Variants in CLMN observed in about 807,000 individuals in gnomAD.
The protein encoded by CLMN is calmin (calponin-like, transmembrane).
In CLMN, 57 loss-of-function variants were observed where a neutral mutation model predicts 92.7. The observed-to-expected ratio is 0.61, with a 90% CI of 0.50 to 0.77. The LOEUF (loss-of-function observed/expected upper bound fraction) is 0.77. Among genes scored for constraint, CLMN ranks in the 30% least tolerant of loss-of-function variants. CLMN has a pLI of 0.00. For synonymous variants in CLMN, 466 were observed against 470.6 expected (o/e 0.99, Z 0.13); for missense variants, 1,158 against 1,237.5 (o/e 0.94, Z 0.96).
intron 1 of CLMN, among the ~76,000 whole-genome samples, chr14:95,306,725 A>G (rs1437694978): frequency 6.6e-6 from 1 of 152,212 alleles, no homozygotes; most frequent in Non-Finnish European, 1.5e-5. Context: ...ACCATCATTT[A>G]CTACACAGCT....
chr14:95,273,107 C>T (rs28739531), intron 1 of CLMN, among the ~76,000 whole-genome samples: 36,612 of 152,112 alleles, frequency 0.24, 5,813 homozygotes, highest in African/African-American at 0.45. Context: ...GGCTGATCCA[C>T]GGACAGTGAG....
In CLMN at chr14:95,196,582, T is replaced by C. The variant is rs1896719290; in HGVS notation, c.2624A>G (p.Glu875Gly). 7 of 1,614,276 alleles carry C rather than the reference T, an allele frequency of 4.3e-6. No homozygotes were observed. Among genetic ancestry groups the C allele is most frequent in the Non-Finnish European group, 5.9e-6 (7 of 1,180,044 alleles). Residue 875 changes from glutamate (E) to glycine (G), a missense_variant, in exon 10 of 13, where the codon GAA becomes GGA. Physicochemically the swap from Glu to Gly is moderately conservative, Grantham distance 98. Transcript: ENST00000298912. ...TCCTGGTGCTACAAATAGTGAACTT[T>C]CTACGTGGTCCACATGTTTCCTTTT... ...KEKRKHVDHV[E>G]SSLFVAPGSV... is the part of the protein sequence containing the mutation.
intron 1 of CLMN, among the ~76,000 whole-genome samples, chr14:95,254,649 A>G (rs148836116): frequency 0.013 from 1,930 of 152,274 alleles, 18 homozygotes; most frequent in Middle Eastern, 0.044. Context: ...CCAGATGTTC[A>G]AGTCCTAACC....
intron 1 of CLMN, among the ~76,000 whole-genome samples, chr14:95,251,210 GA>G (rs1192884308): frequency 3.9e-5 from 6 of 152,158 alleles, no homozygotes; most frequent in Admixed American, 6.5e-5. Flanking sequence ...AGACAATGAT[GA>G]TAAAACCACC....
intron 4 of CLMN, among the ~76,000 whole-genome samples, chr14:95,216,904 C>T (rs1236486938): frequency 6.6e-6 from 1 of 152,170 alleles, no homozygotes; most frequent in Non-Finnish European, 1.5e-5. Context: ...TGGGTGGGCC[C>T]AGAAATCTGT....
chr14:95,271,138 C>T (rs750237976), intron 1 of CLMN, among the ~76,000 whole-genome samples: 1 of 152,182 alleles, frequency 6.6e-6, no homozygotes, highest in African/African-American at 2.4e-5. Flanking sequence ...AAATCCTTTG[C>T]CCATTTTTAA....
intron 1 of CLMN, among the ~76,000 whole-genome samples, chr14:95,267,122 A>AT (rs1221359217): frequency 1.3e-5 from 2 of 152,214 alleles, no homozygotes; most frequent in Non-Finnish European, 2.9e-5. Flanking sequence ...TTGGGCAAAG[A>AT]TTTTTTGAAA....
At position 95,213,308 on chromosome 14, in the gene CLMN, G is replaced by A; in HGVS notation, c.519C>T (p.Pro173=). ...ATATTGCCACGCTCCTCTCTGCAGT[G>A]GGTGTGGGTGGGAAGGATGAGTCTG... ...TDSDSSFPPT[P]TAERSVAISV... is the part of the protein sequence containing the mutation. Residue 173 remains proline, a synonymous_variant, in exon 6 of 13, where the codon CCC becomes CCT. Coordinates refer to ENST00000298912, the MANE Select transcript of CLMN (RefSeq NM_024734.4). 1 of 1,614,012 alleles carries A rather than the reference G, an allele frequency of 6.2e-7. No homozygotes were observed. The highest frequency in any genetic ancestry group is 8.5e-7 in the Non-Finnish European group (1 of 1,179,966).
intron 1 of CLMN, among the ~76,000 whole-genome samples, chr14:95,269,067 C>T (rs1899603041): frequency 6.6e-6 from 1 of 152,100 alleles, no homozygotes; most frequent in Non-Finnish European, 1.5e-5. Flanking sequence ...TCCCAAAGTG[C>T]TGGGATTACA....
chr14:95,199,400 C>G (rs1450885994), intron 9 of CLMN: 1 of 152,258 alleles, frequency 6.6e-6, no homozygotes, highest in Non-Finnish European at 1.5e-5. Flanking sequence ...CCGCAGGGTG[C>G]AAGCCTCTCT....
intron 1 of CLMN, among the ~76,000 whole-genome samples, chr14:95,241,097 A>C (rs1377070615): frequency 6.6e-6 from 1 of 152,068 alleles, no homozygotes; most frequent in Non-Finnish European, 1.5e-5. Context: ...AAAGTGAAAA[A>C]CACACAACCT....
At chr14:95,220,018 C>A (rs1262859982) in intron 4 of CLMN, among the ~76,000 whole-genome samples, 1 of 152,130 alleles carries the variant, frequency 6.6e-6, no homozygotes, top group East Asian at 1.9e-4. Context: ...CCAAAAACTT[C>A]CCTGTCCTGG....
intron 1 of CLMN, among the ~76,000 whole-genome samples, chr14:95,274,398 C>G (rs910663987): frequency 2.0e-5 from 3 of 152,130 alleles, no homozygotes; most frequent in South Asian, 2.1e-4. Flanking sequence ...CACCCCTGCC[C>G]ATGCACAGCA....
At chr14:95,276,545 T>C (rs1218613823) in intron 1 of CLMN, among the ~76,000 whole-genome samples, 3 of 152,176 alleles carry the variant, frequency 2.0e-5, no homozygotes, top group Admixed American at 6.5e-5. Flanking sequence ...TGGGTGGGTC[T>C]TTCTCTGGCC....
chr14:95,182,008 T>C lies in CLMN; in HGVS notation c.*9556A>G, dbSNP rs956483064. The C allele has an allele frequency of 6.6e-6, 1 of 152,220 alleles. No homozygotes were observed. Among genetic ancestry groups the C allele is most frequent in the African/African-American group, 2.4e-5 (1 of 41,448 alleles). 9.4% of individuals were successfully genotyped at this position (152,220 alleles called of 1,614,324 possible). On this transcript the variant is annotated 3_prime_UTR_variant, in exon 13 of 13. Coordinates refer to ENST00000298912, the MANE Select transcript of CLMN (RefSeq NM_024734.4). ...CATGATTTTACAAGATCATTCATCA[T>C]AGCACCAAGCCTAATATTCCTTAAT...
At chr14:95,209,566 C>T (rs1294617244) in intron 7 of CLMN, 89 bp from the exon 8 acceptor site, 2 of 1,032,420 alleles carry the variant, frequency 1.9e-6, no homozygotes, top group African/African-American at 3.1e-5. Context: ...AAGAATCCCA[C>T]AGATTATTGA....
chr14:95,286,419 T>C (rs907291770), intron 1 of CLMN, among the ~76,000 whole-genome samples: 1 of 152,218 alleles, frequency 6.6e-6, no homozygotes, highest in South Asian at 2.1e-4. Flanking sequence ...ATGAAGTATC[T>C]AGAATAAGTA....
At chr14:95,317,116 C>A (rs1044929566) in intron 1 of CLMN, among the ~76,000 whole-genome samples, 2 of 152,224 alleles carry the variant, frequency 1.3e-5, no homozygotes, top group Non-Finnish European at 2.9e-5. Flanking sequence ...AGTCGATCAT[C>A]CAGGCACATC....
chr14:95,239,681 G>A (rs1408745377), intron 1 of CLMN, among the ~76,000 whole-genome samples: 1 of 152,188 alleles, frequency 6.6e-6, no homozygotes, highest in Non-Finnish European at 1.5e-5. Flanking sequence ...CTGCCCCCTT[G>A]CATCATTTAT....
Sources: allele counts gnomAD v4.1 joint callset (sites outside exome capture counted in the v4.1 genomes callset), GRCh38; gene constraint gnomAD v4.1.1; transcripts MANE v1.5; gene names NCBI Gene and HGNC (gene_info 2026-07-23, HGNC 2026-07-21).